The following LARS1 variants were observed in gnomAD, a reference collection of about 807,000 sequenced individuals.
The protein encoded by LARS1 is leucine--tRNA ligase, cytoplasmic.
LARS1 carries 100 observed loss-of-function variants against 162.8 expected under a neutral mutation model. The observed-to-expected ratio is 0.61, with a 90% CI of 0.52 to 0.73. The LOEUF (loss-of-function observed/expected upper bound fraction) is 0.73, where lower values mean the gene tolerates loss of function less well. Ranked by LOEUF, LARS1 falls within the 30% of genes least tolerant of loss-of-function variation. LARS1 has a pLI of 0.00. For synonymous variants in LARS1, 457 were observed against 462.8 expected, an observed-to-expected ratio of 0.99 and a Z score of 0.16; for missense variants, 1,258 against 1,408.9, an observed-to-expected ratio of 0.89 and a Z score of 1.71.
chr5:146,146,820 T>C (rs1213537825), intron 15 of LARS1, among the ~76,000 whole-genome samples: 1 of 151,720 alleles, frequency 6.6e-6, no homozygotes, highest in Non-Finnish European at 1.5e-5. Context: ...TTCAAGCGAT[T>C]CTCATGCCTC....
chr5:146,133,128 A>G, intron 22 of LARS1, 47 bp from the exon 23 acceptor site: 1 of 1,544,176 alleles, frequency 6.5e-7, no homozygotes, highest in Non-Finnish European at 8.9e-7. Flanking sequence ...ATGGTTACTG[A>G]GTATCAACTG....
intron 15 of LARS1, among the ~76,000 whole-genome samples, chr5:146,149,398 A>G (rs986045746): frequency 6.6e-6 from 1 of 152,242 alleles, no homozygotes; most frequent in Admixed American, 6.5e-5. Flanking sequence ...AAAGTTCTCT[A>G]CACATGCTAT....
chr5:146,165,468 T>C (rs1206457091), intron 5 of LARS1, among the ~76,000 whole-genome samples: 1 of 151,888 alleles, frequency 6.6e-6, no homozygotes, highest in Admixed American at 6.6e-5. Flanking sequence ...GAGGCAGAGG[T>C]TGCAGTGAGC....
At chr5:146,139,014 C>G in intron 21 of LARS1, 1 of 288,560 alleles carries the variant, frequency 3.5e-6, no homozygotes, top group Non-Finnish European at 6.7e-6. Context: ...TTTAAACTAA[C>G]GAAAAGTCAA....
At chr5:146,120,548 G>A (rs369864182) in intron 30 of LARS1, 45 bp from the exon 31 acceptor site, 85 of 1,572,762 alleles carry the variant, frequency 5.4e-5, no homozygotes, top group Non-Finnish European at 6.8e-5. Flanking sequence ...GAATACTGCT[G>A]AGGGAGGAGG....
intron 3 of LARS1, 51 bp downstream of exon 3, chr5:146,172,636 T>C (rs757729811): frequency 1.9e-6 from 2 of 1,053,708 alleles, no homozygotes; most frequent in South Asian, 1.7e-5. Flanking sequence ...TTCAAAACAA[T>C]ATTCGTTAAA....
intron 25 of LARS1, 51 bp from the exon 26 acceptor site, chr5:146,129,169 A>C: frequency 6.9e-7 from 1 of 1,456,196 alleles, no homozygotes; most frequent in Non-Finnish European, 9.3e-7. Flanking sequence ...AGACAATATA[A>C]CTATTTTACG....
chr5:146,139,040 G>A (rs1269806381), intron 21 of LARS1: 15 of 205,208 alleles, frequency 7.3e-5, no homozygotes, highest in Middle Eastern at 2.0e-3. Flanking sequence ...GTGGATTTGT[G>A]AAAAAAAAAA....
chr5:146,157,953 C>A (rs1445847768), intron 8 of LARS1, among the ~76,000 whole-genome samples, 158 bp from the exon 9 acceptor site: 2 of 152,032 alleles, frequency 1.3e-5, no homozygotes, highest in South Asian at 2.1e-4. Context: ...GCTAACTATA[C>A]CCACACAGAA....
Position 146,177,582 on chromosome 5 carries a change from A to G in LARS1, c.90T>C (p.Phe30=), listed in dbSNP as rs1754654639. ...TCTCTAAATTAGATGCATTGACCTC[A>G]AACACTCTCTCAGTATCCCATTTCT... is the stretch of plus-strand genomic sequence containing the variant. ...IQQKWDTERV[F]EVNASNLEKQ... Residue 30 remains phenylalanine (F), a synonymous_variant, in exon 2 of 32, where the codon TTT becomes TTC. Coordinates refer to ENST00000394434, the MANE Select transcript of LARS1 (RefSeq NM_020117.11). The G allele has an allele frequency of 1.9e-6, 3 of 1,603,240 alleles. No homozygotes were observed. In the East Asian group the frequency reaches 6.8e-5, roughly 36 times the overall value.
At chr5:146,126,575 A>T (rs373460705) in intron 27 of LARS1, 30 bp from the exon 28 acceptor site, 2 of 1,489,072 alleles carry the variant, frequency 1.3e-6, no homozygotes, top group Non-Finnish European at 1.9e-6. Context: ...AGAGTAATGT[A>T]GAAAAAAAAG....
Position 146,131,067 on chromosome 5 carries a change from T to A in LARS1, c.2439A>T (p.Glu813Asp). 6.3e-7 allele frequency: 1 copy of A among 1,597,916 alleles called. No homozygotes were observed. The highest frequency in any genetic ancestry group is 1.1e-5 in the South Asian group (1 of 88,910). The change falls in exon 24 of 32, where the codon GAA becomes GAT. Residue 813 changes from glutamate (E) to aspartate (D), a missense_variant. By Grantham distance (45) the Glu-to-Asp change is conservative. Coordinates refer to ENST00000394434, the MANE Select transcript of LARS1 (RefSeq NM_020117.11). ...AGIIKTDQNY[E>D]KMMFKEALKT... ...TCAAAGCTTCTTTAAACATCATCTT[T>A]TCATAGTTTTGATCTGTTTTTATAA...
chr5:146,159,442 G>A lies in LARS1; in HGVS notation c.736C>T (p.Gln246Ter). 6.2e-7 allele frequency: 1 copy of A among 1,612,092 alleles called. No individual in the cohort carries two copies. Among genetic ancestry groups the A allele is most frequent in the Non-Finnish European group, 8.5e-7 (1 of 1,178,374 alleles). The change falls in exon 8 of 32, where the codon CAG (glutamine) becomes TAG (stop). Residue 246 changes from glutamine to a stop codon, truncating the protein, a stop_gained. Coordinates refer to ENST00000394434, the MANE Select transcript of LARS1 (RefSeq NM_020117.11). LOFTEE classifies it high-confidence loss of function. ...RYTIYSPKDG[Q>*]PCMDHDRQTG... is the part of the protein sequence containing the mutation. ...TGTCTATCATGATCCATGCAAGGCT[G>A]TCCATCTTTCGGAGAGTAAATTGTA...
chr5:146,114,900 C>T (rs980944594), intron 31 of LARS1, among the ~76,000 whole-genome samples: 2 of 151,698 alleles, frequency 1.3e-5, no homozygotes, highest in Non-Finnish European at 2.9e-5. Context: ...AAAAATTAGC[C>T]GGGCATGGTG....
intron 20 of LARS1, chr5:146,142,656 T>C: frequency 2.0e-6 from 1 of 489,492 alleles, no homozygotes; most frequent in Non-Finnish European, 3.6e-6. Flanking sequence ...GCACCTGAGA[T>C]ATGACATGCT....
intron 26 of LARS1, 64 bp downstream of exon 26, chr5:146,128,914 A>G: frequency 6.7e-7 from 1 of 1,481,808 alleles, no homozygotes; most frequent in Non-Finnish European, 9.2e-7. Flanking sequence ...ATTATTGTTA[A>G]ATGTTATCTG....
Position 146,114,319 on chromosome 5 carries a change from A to G in LARS1, c.3326-8T>C. The G allele has an allele frequency of 1.2e-6, 2 of 1,609,152 alleles. No homozygotes were observed. The highest frequency in any genetic ancestry group is 1.7e-6 in the Non-Finnish European group (2 of 1,176,070). ...GTTTCACTTTGGAAAGGTCTACAAC[A>G]AAATAAATTATCAATATAAGCATTT... On this transcript the variant is annotated splice_polypyrimidine_tract_variant and splice_region_variant and intron_variant, in intron 31 of 31. Coordinates refer to ENST00000394434, the MANE Select transcript of LARS1 (RefSeq NM_020117.11).
At chr5:146,169,316 G>A (rs977922025) in intron 4 of LARS1, among the ~76,000 whole-genome samples, 9 of 152,054 alleles carry the variant, frequency 5.9e-5, no homozygotes, top group African/African-American at 2.2e-4. Context: ...TGAGTCCACT[G>A]TCAAAAACAA....
intron 15 of LARS1, among the ~76,000 whole-genome samples, chr5:146,146,532 C>CAAA (rs573828595): frequency 1.9e-4 from 5 of 26,490 alleles, no homozygotes; most frequent in African/African-American, 4.1e-4. Flanking sequence ...ATGCCAGAAC[C>CAAA]AAAAAAAAAA....
Sources: allele counts gnomAD v4.1 joint callset (sites outside exome capture counted in the v4.1 genomes callset), GRCh38; gene constraint gnomAD v4.1.1; transcripts MANE v1.5; gene names NCBI Gene and HGNC (gene_info 2026-07-23, HGNC 2026-07-21).